The following TIAM1 variants were observed in gnomAD, a reference collection of about 807,000 sequenced individuals.
TIAM1 encodes the protein rho guanine nucleotide exchange factor TIAM1.
Under a neutral mutation model 163.5 loss-of-function variants are expected in TIAM1, and 65 were observed. The observed-to-expected ratio is 0.40, with a 90% CI of 0.33 to 0.49. TIAM1 has a LOEUF of 0.49. Ranked by LOEUF, TIAM1 falls within the 20% of genes least tolerant of loss-of-function variation. The pLI is 0.77. For missense variants in TIAM1, 1,789 were observed against 2,044.7 expected (o/e 0.87, Z 2.41); for synonymous variants, 833 against 810.1 (o/e 1.03, Z -0.48).
At chr21:31,222,668 TACAC>T (rs2087627834) in intron 8 of TIAM1, among the ~76,000 whole-genome samples, 1 of 120,104 alleles carries the variant, frequency 8.3e-6, no homozygotes, top group Non-Finnish European at 1.6e-5. Context: ...TACATACATG[TACAC>T]ATACATATAT....
rs961978391 is a variant in TIAM1 at position 31,203,082 on chromosome 21, C to G, written c.2389-70G>C. On this transcript the variant is annotated intron_variant, in intron 11 of 27. Transcript: ENST00000541036. ...TAAATAGGCACAATTAGTTCTCCAC[C>G]AACATACGATGTATTCCTATGACCA... The G allele has an allele frequency of 8.2e-6, 10 of 1,223,002 alleles. No homozygotes were observed. The Admixed American group carries it at 1.7e-4, about 21-fold the overall frequency. The allele number at this position is 1,223,002 out of a possible 1,614,324, so 75.8% of individuals were successfully genotyped here.
intron 1 of TIAM1, among the ~76,000 whole-genome samples, chr21:31,553,774 C>A (rs1175069844): frequency 1.3e-5 from 2 of 152,092 alleles, no homozygotes; most frequent in Admixed American, 6.5e-5. Flanking sequence ...GGCCCCTCAA[C>A]AAGCAGACGT....
intron 2 of TIAM1, among the ~76,000 whole-genome samples, chr21:31,317,349 G>C (rs1569211105): frequency 1.3e-5 from 2 of 152,184 alleles, no homozygotes; most frequent in Admixed American, 1.3e-4. Flanking sequence ...AGCTACGCGG[G>C]AGGCTGAGGA....
chr21:31,444,197 CA>C (rs1171475791), intron 2 of TIAM1, among the ~76,000 whole-genome samples: 1 of 152,152 alleles, frequency 6.6e-6, no homozygotes, highest in Non-Finnish European at 1.5e-5. Context: ...CAGCAGTTAT[CA>C]AACAACTTTA....
intron 1 of TIAM1, among the ~76,000 whole-genome samples, chr21:31,474,872 C>A (rs2045880339): frequency 6.6e-6 from 1 of 151,982 alleles, no homozygotes; most frequent in South Asian, 2.1e-4. Context: ...TCAGTTCCTG[C>A]ACCCTGGGAG....
At chr21:31,263,533 G>T (rs1470016951) in intron 4 of TIAM1, among the ~76,000 whole-genome samples, 1 of 152,004 alleles carries the variant, frequency 6.6e-6, no homozygotes, top group East Asian at 1.9e-4. Context: ...GCTTTCAGTG[G>T]TACCAGACCT....
chr21:31,351,292 G>A (rs1228984566), intron 2 of TIAM1, among the ~76,000 whole-genome samples: 1 of 152,126 alleles, frequency 6.6e-6, no homozygotes, highest in Non-Finnish European at 1.5e-5. Flanking sequence ...ATAAAACCAT[G>A]ACAGCTTCAG....
At chr21:31,474,131 C>T (rs1201685988) in intron 1 of TIAM1, among the ~76,000 whole-genome samples, 1 of 152,166 alleles carries the variant, frequency 6.6e-6, no homozygotes, top group Non-Finnish European at 1.5e-5. Flanking sequence ...AGTGAGAGCT[C>T]ACTCATCACC....
At chr21:31,212,198 C>T (rs973484532) in intron 10 of TIAM1, among the ~76,000 whole-genome samples, 5 of 152,112 alleles carry the variant, frequency 3.3e-5, no homozygotes, top group Admixed American at 2.6e-4. Context: ...AAAGAAAAGG[C>T]CTTCCCATGG....
chr21:31,426,217 T>A (rs1318112771), intron 2 of TIAM1, among the ~76,000 whole-genome samples: 1 of 152,168 alleles, frequency 6.6e-6, no homozygotes, highest in Non-Finnish European at 1.5e-5. Context: ...TGTATCACTC[T>A]TATGTCTTTG....
intron 11 of TIAM1, among the ~76,000 whole-genome samples, chr21:31,208,884 G>A (rs1015125946): frequency 4.6e-5 from 7 of 152,172 alleles, no homozygotes; most frequent in African/African-American, 1.4e-4. Context: ...GTTGAATGAT[G>A]AGATCTTTAA....
chr21:31,532,253 C>G (rs1221799283), intron 1 of TIAM1, among the ~76,000 whole-genome samples: 1 of 152,196 alleles, frequency 6.6e-6, no homozygotes, highest in African/African-American at 2.4e-5. Flanking sequence ...TACACAGAAG[C>G]ACCTCCTTGG....
chr21:31,260,700 G>A (rs201011321), intron 4 of TIAM1, among the ~76,000 whole-genome samples: 129 of 120,712 alleles, frequency 1.1e-3, no homozygotes, highest in South Asian at 1.5e-3. Flanking sequence ...AAAGAGAAAA[G>A]AAAAAAAAAA....
intron 2 of TIAM1, among the ~76,000 whole-genome samples, chr21:31,355,229 A>AAC (rs1480562136): frequency 6.6e-6 from 1 of 151,536 alleles, no homozygotes; most frequent in Non-Finnish European, 1.5e-5. Flanking sequence ...GTCTGGTAGA[A>AAC]ACACACACAC....
intron 2 of TIAM1, among the ~76,000 whole-genome samples, chr21:31,359,863 AG>A (rs1555955027): frequency 1.5e-5 from 2 of 130,756 alleles, no homozygotes; most frequent in Non-Finnish European, 1.6e-5. Flanking sequence ...GAAGGAAGGA[AG>A]GGAGGGAGGG....
chr21:31,442,066 A>AAAAAAAAATAT (rs1202451553), intron 2 of TIAM1, among the ~76,000 whole-genome samples: 1 of 18,786 alleles, frequency 5.3e-5, no homozygotes, highest in African/African-American at 2.4e-4. Context: ...AGAACAAATA[A>AAAAAAAAATAT]ATAAATATAT....
At chr21:31,152,833 C>T in intron 18 of TIAM1, 72 bp from the exon 19 acceptor site, 2 of 1,547,162 alleles carry the variant, frequency 1.3e-6, no homozygotes, top group African/African-American at 1.4e-5. Flanking sequence ...TATCTGATTA[C>T]AAGGTTTTTC....
chr21:31,360,200 T>C (rs1468954048), intron 2 of TIAM1, among the ~76,000 whole-genome samples: 1 of 151,980 alleles, frequency 6.6e-6, no homozygotes, highest in African/African-American at 2.4e-5. Context: ...TCTAAGTGTT[T>C]GAAGAAAATC....
At chr21:31,462,763 G>C (rs2045379380) in intron 2 of TIAM1, among the ~76,000 whole-genome samples, 2 of 136,234 alleles carry the variant, frequency 1.5e-5, no homozygotes, top group African/African-American at 2.7e-5. Context: ...TTTTTTTTGA[G>C]ACCAAGTCTC....
Sources: allele counts gnomAD v4.1 joint callset (sites outside exome capture counted in the v4.1 genomes callset), GRCh38; gene constraint gnomAD v4.1.1; transcripts MANE v1.5; gene names NCBI Gene and HGNC (gene_info 2026-07-23, HGNC 2026-07-21).